STK32B: variants seen among roughly 807,000 people sequenced by gnomAD.
STK32B encodes serine/threonine kinase 32B.
A neutral mutation model predicts 52.6 loss-of-function variants in STK32B; 43 were observed. The observed-to-expected ratio is 0.82, with a 90% CI of 0.64 to 1.05. The LOEUF is 1.05. Ranked by LOEUF, STK32B falls within the 50% of genes least tolerant of loss-of-function variation. The pLI, the probability that STK32B is intolerant of heterozygous loss-of-function variation, is 0.00. For missense variants in STK32B, 621 were observed against 534.6 expected (o/e 1.16, Z -1.59); for synonymous variants, 238 against 204.3 (o/e 1.17, Z -1.41).
At chr4:5,437,223 T>C (rs1307030919) in intron 6 of STK32B, among the ~76,000 whole-genome samples, 1 of 152,272 alleles carries the variant, frequency 6.6e-6, no homozygotes, top group Non-Finnish European at 1.5e-5. Context: ...TATTCATTTA[T>C]TGTGTCTGCA....
chr4:5,433,438 C>T (rs543956103), intron 6 of STK32B, among the ~76,000 whole-genome samples: 1 of 152,194 alleles, frequency 6.6e-6, no homozygotes, highest in East Asian at 1.9e-4. Context: ...ATCTGGCCAT[C>T]CTGCCAGCCA....
chr4:5,490,584 T>G (rs1307465102), intron 11 of STK32B, among the ~76,000 whole-genome samples: 1 of 152,142 alleles, frequency 6.6e-6, no homozygotes, highest in Non-Finnish European at 1.5e-5. Flanking sequence ...TAAATTTTTT[T>G]ATTATTATAC....
chr4:5,405,621 A>G (rs1737608621), intron 5 of STK32B, among the ~76,000 whole-genome samples: 1 of 152,136 alleles, frequency 6.6e-6, no homozygotes, highest in South Asian at 2.1e-4. Context: ...GCCTCAGGAA[A>G]GTTATAATCA....
chr4:5,102,235 T>A (rs1287650832), intron 1 of STK32B, among the ~76,000 whole-genome samples: 1 of 152,134 alleles, frequency 6.6e-6, no homozygotes, highest in Non-Finnish European at 1.5e-5. Context: ...GCAGAGCAAG[T>A]ACAGTAAACA....
chr4:5,259,315 G>A (rs574029237), intron 3 of STK32B, among the ~76,000 whole-genome samples: 1 of 152,204 alleles, frequency 6.6e-6, no homozygotes, highest in East Asian at 1.9e-4. Flanking sequence ...GCACCTAGAG[G>A]TATGCTTGGC....
intron 3 of STK32B, among the ~76,000 whole-genome samples, chr4:5,182,753 C>G (rs1302643726): frequency 6.6e-6 from 1 of 152,112 alleles, no homozygotes; most frequent in African/African-American, 2.4e-5. Flanking sequence ...GCCACTGCGC[C>G]CAGCCCCAAA....
chr4:5,319,438 G>A (rs1160809771), intron 3 of STK32B, among the ~76,000 whole-genome samples: 1 of 152,168 alleles, frequency 6.6e-6, no homozygotes, highest in Non-Finnish European at 1.5e-5. Context: ...ATCTGACAAG[G>A]ACTTTCTCCT....
At chr4:5,121,020 A>C (rs1714995493) in intron 1 of STK32B, among the ~76,000 whole-genome samples, 1 of 152,068 alleles carries the variant, frequency 6.6e-6, no homozygotes, top group African/African-American at 2.4e-5. Flanking sequence ...ATTTTAGTGC[A>C]CCCATCACCC....
intron 4 of STK32B, among the ~76,000 whole-genome samples, chr4:5,361,638 T>C (rs913448098): frequency 6.6e-6 from 1 of 152,270 alleles, no homozygotes; most frequent in African/African-American, 2.4e-5. Flanking sequence ...ATAGGCCATA[T>C]TGCTTGGCCT....
intron 11 of STK32B, among the ~76,000 whole-genome samples, chr4:5,494,135 G>T (rs1480873578): frequency 6.6e-6 from 1 of 152,120 alleles, no homozygotes; most frequent in African/African-American, 2.4e-5. Flanking sequence ...GGGTATCTTT[G>T]TTAACTTTCT....
At chr4:5,402,279 A>T (rs1370352845) in intron 5 of STK32B, among the ~76,000 whole-genome samples, 2 of 152,200 alleles carry the variant, frequency 1.3e-5, no homozygotes, top group African/African-American at 4.8e-5. Context: ...CAGGAGGGTG[A>T]TGGAAGAGGC....
intron 3 of STK32B, among the ~76,000 whole-genome samples, chr4:5,257,768 C>T (rs1189854565): frequency 2.0e-5 from 3 of 152,176 alleles, no homozygotes; most frequent in Admixed American, 6.5e-5. Context: ...CATGGCAAAA[C>T]GCTGTCTTTA....
chr4:5,474,208 AGGGACCCTCCAGCATGGCCT>A (rs1399357059), intron 11 of STK32B, among the ~76,000 whole-genome samples: 2 of 152,184 alleles, frequency 1.3e-5, no homozygotes, highest in Non-Finnish European at 2.9e-5. Context: ...GCAATATGAT[AGGGACCCTCCAGCATGGCCT>A]GGAGCCCTCG....
chr4:5,393,973 T>G lies in STK32B; in HGVS notation c.435-4234T>G, dbSNP rs533902812. The stretch of plus-strand genomic sequence containing the variant: ...AAATAGCCGCAGATTTTTACTTCGC[T>G]TAGTCTAGCTTTCCCCTCCAGGTTT... On this transcript the variant is annotated intron_variant, in intron 4 of 11. Coordinates refer to ENST00000282908, the MANE Select transcript of STK32B (RefSeq NM_018401.3). 3.9e-5 allele frequency among the ~76,000 whole-genome samples: 6 copies of G among 152,300 alleles called. No individual in the cohort carries two copies. In the South Asian group the frequency reaches 1.2e-3, roughly 32 times the overall value.
intron 3 of STK32B, among the ~76,000 whole-genome samples, chr4:5,200,465 C>CCCCAATGTTGTTT (rs1560219627): frequency 3.9e-5 from 6 of 152,116 alleles, no homozygotes; most frequent in Non-Finnish European, 8.8e-5. Context: ...GCCAGGGAGT[C>CCCCAATGTTGTTT]GTGGCTCCCA....
chr4:5,234,578 C>A (rs1176659617), intron 3 of STK32B, among the ~76,000 whole-genome samples: 1 of 152,222 alleles, frequency 6.6e-6, no homozygotes, highest in Non-Finnish European at 1.5e-5. Flanking sequence ...CTTATGAACT[C>A]ATTCCTTTTT....
chr4:5,336,093 G>A (rs537338781), intron 4 of STK32B, among the ~76,000 whole-genome samples: 4 of 149,178 alleles, frequency 2.7e-5, no homozygotes, highest in Admixed American at 2.0e-4. Context: ...GCCTGCCTGG[G>A]TTGGGATACT....
upstream of STK32B, among the ~76,000 whole-genome samples, chr4:5,049,460 G>A (rs866819091): frequency 3.3e-5 from 5 of 152,170 alleles, no homozygotes; most frequent in African/African-American, 7.2e-5. Flanking sequence ...GAGAGTCAGC[G>A]AAGAGAGATA....
intron 1 of STK32B, among the ~76,000 whole-genome samples, chr4:5,125,582 G>A (rs1715317330): frequency 6.6e-6 from 1 of 152,206 alleles, no homozygotes. Flanking sequence ...CCAGCAGGCT[G>A]AGCCTGCTGC....
Sources: gnomAD v4.1 joint callset for allele counts (sites outside exome capture counted in the v4.1 genomes callset) on GRCh38, gnomAD v4.1.1 for gene constraint, MANE v1.5 for transcripts, NCBI Gene and HGNC (gene_info 2026-07-23, HGNC 2026-07-21) for gene names.